The following CACNA2D2 variants were observed in gnomAD, a reference collection of about 807,000 sequenced individuals.
The protein encoded by CACNA2D2 is voltage-dependent calcium channel subunit alpha-2/delta-2.
In CACNA2D2, 48 loss-of-function variants were observed where a neutral mutation model predicts 166.4. That is an observed-to-expected ratio of 0.29 (90% CI 0.23 to 0.37). The LOEUF (loss-of-function observed/expected upper bound fraction) is 0.37, where lower values mean the gene tolerates loss of function less well. Ranked by LOEUF, CACNA2D2 falls within the 10% of genes least tolerant of loss-of-function variation. CACNA2D2 has a pLI of 1.00. For synonymous variants in CACNA2D2, 561 were observed against 573.7 expected (o/e 0.98, Z 0.32); for missense variants, 1,122 against 1,433.0 (o/e 0.78, Z 3.50).
intron 2 of CACNA2D2, among the ~76,000 whole-genome samples, chr3:50,450,669 A>G (rs566056961): frequency 1.5e-3 from 224 of 152,320 alleles, no homozygotes; most frequent in Middle Eastern, 6.8e-3. Context: ...AGGCTTTTAC[A>G]GAGTGAAAGA....
intron 2 of CACNA2D2, among the ~76,000 whole-genome samples, chr3:50,469,896 C>T (rs1709990998): frequency 6.6e-6 from 1 of 152,022 alleles, no homozygotes; most frequent in Non-Finnish European, 1.5e-5. Context: ...AAGCTGTTCC[C>T]CATCCCCTGG....
At position 50,365,539 on chromosome 3, in the gene CACNA2D2, C is replaced by T. The variant is rs587621769; in HGVS notation, c.2972-57G>A. The T allele has an allele frequency of 2.4e-4, 390 of 1,600,860 alleles. No homozygotes were observed. The highest frequency in any genetic ancestry group is 3.8e-4 in the Admixed American group (22 of 57,982). ...CACAGACCCTGGCAAGGTCTCCGGCCTCCCTCAGTCGTAGACCCCACCCTC... is the reference window on the plus strand; with the variant it reads ...CACAGACCCTGGCAAGGTCTCCGGCTTCCCTCAGTCGTAGACCCCACCCTC... On this transcript the variant is annotated intron_variant, in intron 34 of 37. Transcript: ENST00000424201. The surrounding 1 kb of genome is among the most constrained non-coding windows in gnomAD (Gnocchi z 4.5).
chr3:50,495,362 T>C (rs73835510), intron 1 of CACNA2D2, among the ~76,000 whole-genome samples: 11,864 of 152,122 alleles, frequency 0.078, 1,531 homozygotes, highest in African/African-American at 0.27. Context: ...CCCTGGGCCA[T>C]CGCAGCACTG....
At chr3:50,461,866 G>C (rs1371481558) in intron 2 of CACNA2D2, among the ~76,000 whole-genome samples, 1 of 152,144 alleles carries the variant, frequency 6.6e-6, no homozygotes, top group Non-Finnish European at 1.5e-5. Flanking sequence ...ATGAAAGAGG[G>C]GACTCCAACC....
At chr3:50,385,040 C>T (rs375469304) in intron 5 of CACNA2D2, among the ~76,000 whole-genome samples, 2 of 152,178 alleles carry the variant, frequency 1.3e-5, no homozygotes, top group East Asian at 3.9e-4. Flanking sequence ...CTGACAGGTG[C>T]CAATTATGGC....
chr3:50,462,430 A>ATGATG lies in CACNA2D2; in HGVS notation c.288+13687_288+13688insCATCA, dbSNP rs1559972510. Among the ~76,000 whole-genome samples the ATGATG allele has an allele frequency of 1.5e-3, 212 of 141,938 alleles. 1 individual carries two copies. The highest frequency in any genetic ancestry group is 4.7e-3 in the African/African-American group (176 of 37,424). 93.1% of individuals were successfully genotyped at this position (141,938 alleles called of 152,430 possible). ...TAATAATAATAATAATAATAATAAT[A>ATGATG]ATGATAATAATAATAAAACTAACAA... On this transcript the variant is annotated intron_variant, in intron 2 of 37. Coordinates refer to ENST00000424201, the MANE Select transcript of CACNA2D2 (RefSeq NM_006030.4).
chr3:50,457,847 A>G (rs911658018), intron 2 of CACNA2D2, among the ~76,000 whole-genome samples: 4 of 152,180 alleles, frequency 2.6e-5, no homozygotes, highest in Non-Finnish European at 4.4e-5. Context: ...AAGAAGCTCA[A>G]TCTCAATAGG....
chr3:50,381,317 C>T (rs1399508225), intron 6 of CACNA2D2, among the ~76,000 whole-genome samples, 191 bp from the exon 7 acceptor site: 2 of 152,062 alleles, frequency 1.3e-5, no homozygotes, highest in Non-Finnish European at 2.9e-5. Context: ...TGATCCTCAC[C>T]CCTCCCAAGC....
intron 3 of CACNA2D2, among the ~76,000 whole-genome samples, chr3:50,424,632 G>A (rs913186327): frequency 2.0e-5 from 3 of 152,196 alleles, no homozygotes; most frequent in African/African-American, 7.2e-5. Flanking sequence ...ACTCCTCAAG[G>A]GAGGGGCCTA....
chr3:50,413,724 G>A (rs910909954), intron 3 of CACNA2D2, among the ~76,000 whole-genome samples: 1 of 152,178 alleles, frequency 6.6e-6, no homozygotes, highest in East Asian at 1.9e-4. Context: ...ACGCACGCCT[G>A]TAATCCCAGT....
At position 50,366,948 on chromosome 3, in the gene CACNA2D2, G is replaced by A. The variant is rs1704335278; in HGVS notation, c.2501-29C>T. ...TGGGGGAGAGCAAGGGACCATCAGTGCTACCTGCCCAGGCAGTACCCTGTC... is the reference window on the plus strand; with the variant it reads ...TGGGGGAGAGCAAGGGACCATCAGTACTACCTGCCCAGGCAGTACCCTGTC... On this transcript the variant is annotated intron_variant, in intron 28 of 37. Transcript: ENST00000424201. The surrounding 1 kb of genome is among the most constrained non-coding windows in gnomAD (Gnocchi z 5.9). 1 of 1,613,192 alleles carries A rather than the reference G, an allele frequency of 6.2e-7. No individual in the cohort carries two copies. The highest frequency in any genetic ancestry group is 2.2e-5 in the East Asian group (1 of 44,882).
intron 6 of CACNA2D2, among the ~76,000 whole-genome samples, 164 bp from the exon 7 acceptor site, chr3:50,381,290 C>G (rs1705303445): frequency 6.6e-6 from 1 of 151,992 alleles, no homozygotes. Context: ...TGCCCCAGCT[C>G]CTCCAGGAAG....
chr3:50,441,267 G>T (rs1364888504), intron 2 of CACNA2D2, among the ~76,000 whole-genome samples: 2 of 152,038 alleles, frequency 1.3e-5, no homozygotes, highest in Non-Finnish European at 2.9e-5. Flanking sequence ...GGGGCCTGAA[G>T]CCCCCACCAC....
At chr3:50,462,577 A>G (rs981770722) in intron 2 of CACNA2D2, among the ~76,000 whole-genome samples, 2 of 152,024 alleles carry the variant, frequency 1.3e-5, no homozygotes, top group African/African-American at 4.8e-5. Context: ...GCCTCACCAT[A>G]TCATGTTATG....
chr3:50,387,724 TCCCTTTC>T, intron 4 of CACNA2D2, 112 bp from the exon 5 acceptor site: 1 of 821,860 alleles, frequency 1.2e-6, no homozygotes, highest in East Asian at 2.6e-5. Flanking sequence ...GCAGAGACTG[TCCCTTTC>T]CCCCACCCAG....
chr3:50,383,860 G>A (rs1705449074), intron 6 of CACNA2D2, among the ~76,000 whole-genome samples: 1 of 152,190 alleles, frequency 6.6e-6, no homozygotes, highest in Admixed American at 6.5e-5. Flanking sequence ...GTTGCTTCAG[G>A]GGCAGGCGGG....
In CACNA2D2 at chr3:50,364,643, G is replaced by A. The variant is rs1374183477; in HGVS notation, c.*23C>T. The stretch of plus-strand genomic sequence containing the variant: ...CGAAGAGGCCGGGTGAGGTGGGAGT[G>A]GAGGTGGGGTGGGGCAGGGTGCTCA... On this transcript the variant is annotated 3_prime_UTR_variant, in exon 38 of 38. Coordinates refer to ENST00000424201, the MANE Select transcript of CACNA2D2 (RefSeq NM_006030.4). 6.7e-7 allele frequency: 1 copy of A among 1,495,668 alleles called. No individual in the cohort carries two copies. The highest frequency in any genetic ancestry group is 8.9e-7 in the Non-Finnish European group (1 of 1,121,310). The allele number at this position is 1,495,668 out of a possible 1,614,324, so 92.6% of individuals were successfully genotyped here.
Position 50,449,871 on chromosome 3 carries a change from G to A in CACNA2D2, c.289-15442C>T, listed in dbSNP as rs564458994. ...AGGTGGGAGAGAGACCTAGGGCTGG[G>A]TTCTGGGGCTTCACCCATGAAGTGG... On this transcript the variant is annotated intron_variant, in intron 2 of 37. Transcript: ENST00000424201. Among the ~76,000 whole-genome samples, 26 of 152,308 alleles carry A rather than the reference G, an allele frequency of 1.7e-4. No homozygotes were observed. In the South Asian group the frequency reaches 3.9e-3, roughly 23 times the overall value.
chr3:50,379,623 G>C lies in CACNA2D2; in HGVS notation c.994-33C>G, dbSNP rs12631708. The C allele has an allele frequency of 1.0e-4, 162 of 1,612,810 alleles. No individual in the cohort carries two copies. The highest frequency in any genetic ancestry group is 1.3e-4 in the Non-Finnish European group (157 of 1,179,324). On this transcript the variant is annotated intron_variant, in intron 10 of 37. Coordinates refer to ENST00000424201, the MANE Select transcript of CACNA2D2 (RefSeq NM_006030.4). The surrounding 1 kb of genome is among the most constrained non-coding windows in gnomAD (Gnocchi z 6.5). ...AACAGTAGGGTGGTGAGTGGCCTCAGGCTGGCCGGGGTAGGCAGCTATTGC... is the reference window on the plus strand; with the variant it reads ...AACAGTAGGGTGGTGAGTGGCCTCACGCTGGCCGGGGTAGGCAGCTATTGC...
Sources: gnomAD v4.1 joint callset for allele counts (sites outside exome capture counted in the v4.1 genomes callset) on GRCh38, gnomAD v4.1.1 for gene constraint, Gnocchi (gnomAD v3.1) non-coding constraint, MANE v1.5 for transcripts, NCBI Gene and HGNC (gene_info 2026-07-23, HGNC 2026-07-21) for gene names.